Variants in GABRB2 observed in about 807,000 individuals in gnomAD.
GABRB2 encodes the protein gamma-aminobutyric acid type A receptor subunit beta2, also known as gamma-aminobutyric acid receptor subunit beta-2.
GABRB2 carries 16 observed loss-of-function variants against 54.7 expected under a neutral mutation model. The ratio of observed to expected loss-of-function variants is 0.29; its 90% CI spans 0.20 to 0.44. GABRB2 has a LOEUF of 0.44. GABRB2 is among the 20% of genes least tolerant of loss of function. GABRB2 has a pLI of 1.00. For missense variants in GABRB2, 355 were observed against 644.0 expected, an observed-to-expected ratio of 0.55 and a Z score of 4.86; for synonymous variants, 244 against 233.8, an observed-to-expected ratio of 1.04 and a Z score of -0.40.
chr5:161,491,796 T>C (rs1212879129), intron 3 of GABRB2, among the ~76,000 whole-genome samples: 1 of 151,758 alleles, frequency 6.6e-6, no homozygotes, highest in Non-Finnish European at 1.5e-5. Flanking sequence ...AATGGCATTC[T>C]GAATTGCAAA....
Position 161,506,514 on chromosome 5 carries a change from C to T in GABRB2, c.237+38713G>A, listed in dbSNP as rs181487990. Among the ~76,000 whole-genome samples, 6 of 152,218 alleles carry T rather than the reference C, an allele frequency of 3.9e-5. No individual in the cohort carries two copies. In the South Asian group the frequency reaches 8.3e-4, roughly 21 times the overall value. ...TCTAAATAAATAGCAAATAATTTTC[C>T]ACACATTGTTGTTTTTGTAAATTAC... On this transcript the variant is annotated intron_variant, in intron 3 of 9. Coordinates refer to ENST00000393959, the MANE Select transcript of GABRB2 (RefSeq NM_001371727.1).
At chr5:161,433,148 A>C (rs1304669503) in intron 4 of GABRB2, among the ~76,000 whole-genome samples, 3 of 152,190 alleles carry the variant, frequency 2.0e-5, no homozygotes, top group Non-Finnish European at 2.9e-5. Context: ...ACTCCAGAAA[A>C]AAATCCAATA....
chr5:161,409,352 C>T (rs2113108795), intron 5 of GABRB2, among the ~76,000 whole-genome samples: 1 of 151,896 alleles, frequency 6.6e-6, no homozygotes, highest in South Asian at 2.1e-4. Context: ...TACGTAAAGC[C>T]TAAAGAATTA....
intron 6 of GABRB2, among the ~76,000 whole-genome samples, chr5:161,335,580 CAG>C (rs780064564): frequency 5.3e-5 from 8 of 152,092 alleles, no homozygotes; most frequent in Non-Finnish European, 8.8e-5. Flanking sequence ...AGACAAATAA[CAG>C]AGCACAGTCT....
chr5:161,341,090 G>A (rs916806070), intron 5 of GABRB2, among the ~76,000 whole-genome samples: 2 of 151,954 alleles, frequency 1.3e-5, no homozygotes, highest in African/African-American at 4.8e-5. Context: ...AAAGAGCAAC[G>A]AGCTCCATGA....
At chr5:161,460,436 T>C (rs1195694889) in intron 3 of GABRB2, among the ~76,000 whole-genome samples, 12 of 152,322 alleles carry the variant, frequency 7.9e-5, no homozygotes, top group Admixed American at 7.8e-4. Flanking sequence ...GTGAAGAGAA[T>C]ATATTCACAT....
chr5:161,415,164 T>G (rs1455614511), intron 4 of GABRB2, among the ~76,000 whole-genome samples: 13 of 152,332 alleles, frequency 8.5e-5, no homozygotes, highest in East Asian at 1.9e-4. Flanking sequence ...CTGATTAATT[T>G]TTAAGACCAT....
intron 4 of GABRB2, among the ~76,000 whole-genome samples, chr5:161,420,095 A>G (rs1756803955): frequency 6.6e-6 from 1 of 152,210 alleles, no homozygotes; most frequent in Non-Finnish European, 1.5e-5. Flanking sequence ...AAATGCCTCA[A>G]TATGCCAGAT....
intron 6 of GABRB2, among the ~76,000 whole-genome samples, chr5:161,336,107 A>T (rs1753982897): frequency 6.6e-6 from 1 of 152,170 alleles, no homozygotes; most frequent in Non-Finnish European, 1.5e-5. Flanking sequence ...TGAAGATGGC[A>T]AAGGCCTCGG....
At chr5:161,432,747 C>T (rs1757204272) in intron 4 of GABRB2, among the ~76,000 whole-genome samples, 1 of 151,910 alleles carries the variant, frequency 6.6e-6, no homozygotes, top group Admixed American at 6.6e-5. Flanking sequence ...TTATTATTTC[C>T]AGTACCTCAG....
At chr5:161,546,854 A>ATT, upstream of GABRB2, 8 of 1,003,166 alleles carry the variant, frequency 8.0e-6, no homozygotes, top group Non-Finnish European at 1.1e-5. Flanking sequence ...GTATATGTAT[A>ATT]ATACATACAT....
intron 9 of GABRB2, among the ~76,000 whole-genome samples, chr5:161,318,234 T>C (rs567958859): frequency 8.9e-4 from 135 of 152,148 alleles, no homozygotes; most frequent in African/African-American, 3.1e-3. Context: ...TAAATATTTT[T>C]GCAAGGTTAA....
chr5:161,410,629 C>T (rs1030256970), intron 5 of GABRB2, among the ~76,000 whole-genome samples: 2 of 152,176 alleles, frequency 1.3e-5, no homozygotes, highest in African/African-American at 4.8e-5. Flanking sequence ...CACTCTGCCA[C>T]CTCCACCTAT....
intron 3 of GABRB2, among the ~76,000 whole-genome samples, chr5:161,518,190 A>G (rs1310330512): frequency 6.6e-6 from 1 of 152,220 alleles, no homozygotes; most frequent in Non-Finnish European, 1.5e-5. Flanking sequence ...TGAATGGGGG[A>G]AGATTCTATT....
chr5:161,496,228 C>G (rs1379484719), intron 3 of GABRB2, among the ~76,000 whole-genome samples: 2 of 152,080 alleles, frequency 1.3e-5, no homozygotes, highest in African/African-American at 2.4e-5. Flanking sequence ...TTTTCCTACC[C>G]ATAAGATGTG....
At position 161,289,375 on chromosome 5, in the gene GABRB2, TTC is replaced by T. The variant is rs1333593569; in HGVS notation, c.*4704_*4705del. ...TTTGGTGTGAAGCAGCGTCCTTTTT[TTC>T]CCCCATTATCTCATTTTTTTTTTCC... On this transcript the variant is annotated 3_prime_UTR_variant, in exon 10 of 10. Coordinates refer to ENST00000393959, the MANE Select transcript of GABRB2 (RefSeq NM_001371727.1). 1 of 152,080 alleles carries T rather than the reference TTC, an allele frequency of 6.6e-6. No individual in the cohort carries two copies. The highest frequency in any genetic ancestry group is 2.4e-5 in the African/African-American group (1 of 41,242). 9.4% of individuals were successfully genotyped at this position (152,080 alleles called of 1,614,324 possible).
At chr5:161,346,570 C>T (rs904370256) in intron 5 of GABRB2, among the ~76,000 whole-genome samples, 2 of 152,104 alleles carry the variant, frequency 1.3e-5, no homozygotes, top group Non-Finnish European at 2.9e-5. Context: ...CATCTTAACC[C>T]ATTCTTTTGT....
At chr5:161,458,397 T>C (rs1758025316) in intron 4 of GABRB2, among the ~76,000 whole-genome samples, 4 of 152,148 alleles carry the variant, frequency 2.6e-5, no homozygotes, top group Non-Finnish European at 5.9e-5. Flanking sequence ...TGCCACAGAG[T>C]ACAAATGTGC....
rs149568342 is a variant in GABRB2, at chr5:161,488,181, A to T, written c.238-28337T>A. On this transcript the variant is annotated intron_variant, in intron 3 of 9. Coordinates refer to ENST00000393959, the MANE Select transcript of GABRB2 (RefSeq NM_001371727.1). ...AAGTGGAGGACCCTAGAGAGAATGGAATAGAAAAATTTGGCTTGACACAAG... is the reference window on the plus strand; with the variant it reads ...AAGTGGAGGACCCTAGAGAGAATGGTATAGAAAAATTTGGCTTGACACAAG... 5.6e-3 allele frequency among the ~76,000 whole-genome samples: 849 copies of T among 151,736 alleles called. 8 individuals are homozygous for T. The highest frequency in any genetic ancestry group is 0.019 in the African/African-American group (782 of 41,472).
Sources: allele counts gnomAD v4.1 joint callset (sites outside exome capture counted in the v4.1 genomes callset), GRCh38; gene constraint gnomAD v4.1.1; transcripts MANE v1.5; gene names NCBI Gene and HGNC (gene_info 2026-07-23, HGNC 2026-07-21).